PCNX2: variants seen among roughly 807,000 people sequenced by gnomAD.
PCNX2 encodes pecanex-like protein 2.
A neutral mutation model predicts 223.8 loss-of-function variants in PCNX2; 168 were observed. The ratio of observed to expected loss-of-function variants is 0.75; its 90% CI spans 0.66 to 0.85. The LOEUF is 0.85. Among genes scored for constraint, PCNX2 ranks in the 40% least tolerant of loss-of-function variants. The probability of loss-of-function intolerance (pLI) is 0.00; values close to 1 mark genes in which losing one functional copy is unlikely to be tolerated. For missense variants in PCNX2, 2,507 were observed against 2,675.5 expected (o/e 0.94, Z 1.39); for synonymous variants, 1,006 against 1,052.6 (o/e 0.96, Z 0.86).
chr1:233,021,341 C>T (rs749681034), intron 26 of PCNX2, among the ~76,000 whole-genome samples: 7 of 152,180 alleles, frequency 4.6e-5, no homozygotes, highest in African/African-American at 7.2e-5. Context: ...GGCACAATTA[C>T]GTCTGTAGTA....
At chr1:233,242,215 G>C (rs1379533789) in intron 8 of PCNX2, among the ~76,000 whole-genome samples, 1 of 152,092 alleles carries the variant, frequency 6.6e-6, no homozygotes, top group Non-Finnish European at 1.5e-5. Context: ...ATATCTGCTA[G>C]ATCTTTGCTA....
intron 17 of PCNX2, among the ~76,000 whole-genome samples, chr1:233,168,585 C>T (rs1028612770): frequency 5.3e-5 from 8 of 152,030 alleles, no homozygotes; most frequent in Admixed American, 1.3e-4. Context: ...TGAAATTGAA[C>T]GACTCATAGT....
rs895479217 is a variant in PCNX2 at position 233,179,307 on chromosome 1, G to A, written c.3067-132C>T. 40 of 910,158 alleles carry A rather than the reference G, an allele frequency of 4.4e-5. No homozygotes were observed. The Admixed American group carries it at 7.5e-4, about 17-fold the overall frequency. 56.4% of individuals were successfully genotyped at this position (910,158 alleles called of 1,614,324 possible). A position where few individuals can be genotyped will look rare whatever the true frequency, so the allele number is the denominator to read the frequency against. The stretch of plus-strand genomic sequence containing the variant: ...TATTCCCATGATTATTCCTGCCCAC[G>A]GACATATAAGCATCTGGTGGGCACA... On this transcript the variant is annotated intron_variant, in intron 15 of 33. Coordinates refer to ENST00000258229, the MANE Select transcript of PCNX2 (RefSeq NM_014801.4).
chr1:233,161,325 C>A lies in PCNX2; in HGVS notation c.3312G>T (p.Val1104=). 6.2e-7 allele frequency: 1 copy of A among 1,613,878 alleles called. No individual in the cohort carries two copies. The highest frequency in any genetic ancestry group is 8.5e-7 in the Non-Finnish European group (1 of 1,179,838). The change falls in exon 18 of 34, where the codon GTG becomes GTT. Residue 1104 remains valine (V), a synonymous_variant. Coordinates refer to ENST00000258229, the MANE Select transcript of PCNX2 (RefSeq NM_014801.4). ...VLKWDLIVCA[V]VAVLSFAVSA... The stretch of plus-strand genomic sequence containing the variant: ...TGACTGCAAATGAGAGGACAGCAAC[C>A]ACTGCGCAGACGATGAGATCCCATT...
rs1188421543 is a variant in PCNX2 at position 233,217,882 on chromosome 1, T to A, written c.2691+17A>T. On this transcript the variant is annotated intron_variant, in intron 12 of 33. Transcript: ENST00000258229. ...AGACAGACAAGAAAAGCTACTTGCCTGTATTTGGAAACTTACGTGTATTGG... is the reference window on the plus strand; with the variant it reads ...AGACAGACAAGAAAAGCTACTTGCCAGTATTTGGAAACTTACGTGTATTGG... The A allele has an allele frequency of 6.2e-7, 1 of 1,613,712 alleles. No homozygotes were observed. The highest frequency in any genetic ancestry group is 8.5e-7 in the Non-Finnish European group (1 of 1,179,824).
intron 1 of PCNX2, among the ~76,000 whole-genome samples, chr1:233,268,415 G>A (rs1660460724): frequency 6.6e-6 from 1 of 152,158 alleles, no homozygotes; most frequent in Non-Finnish European, 1.5e-5. Context: ...GAGGGTTTCT[G>A]TTTGCAGACA....
intron 22 of PCNX2, among the ~76,000 whole-genome samples, chr1:233,091,652 G>A (rs1408617063): frequency 1.3e-5 from 2 of 150,198 alleles, no homozygotes; most frequent in South Asian, 2.1e-4. Context: ...AGGATCTCTT[G>A]AGCCCAGGAG....
At chr1:232,998,054 A>G (rs1346294776) in intron 32 of PCNX2, among the ~76,000 whole-genome samples, 197 bp downstream of exon 32, 1 of 152,214 alleles carries the variant, frequency 6.6e-6, no homozygotes, top group Non-Finnish European at 1.5e-5. Context: ...CAGATGGATA[A>G]ATGGTAAAAG....
At chr1:233,315,510 T>C in the PCNX2 span, among the ~76,000 whole-genome samples, 4 of 152,302 alleles carry the variant, frequency 2.6e-5, no homozygotes, top group Non-Finnish European at 5.9e-5. Flanking sequence ...ATTTGGAGAA[T>C]TGAATAAAAT....
chr1:233,131,241 G>A (rs2475157), intron 21 of PCNX2, among the ~76,000 whole-genome samples: 149,989 of 152,282 alleles, frequency 0.98, 73,883 homozygotes, highest in East Asian at 1. Context: ...GACCTGTCAT[G>A]AGCAAGACTT....
chr1:232,998,108 C>CA, intron 32 of PCNX2, 143 bp downstream of exon 32: 1 of 802,684 alleles, frequency 1.2e-6, no homozygotes, highest in South Asian at 2.4e-5. Flanking sequence ...GCAGAACCTA[C>CA]AAGAGTCTGC....
Position 232,984,442 on chromosome 1 carries a change from G to T in PCNX2, c.6276C>A (p.Thr2092=). The change falls in exon 34 of 34, where the codon ACC becomes ACA. Residue 2092 remains threonine, a synonymous_variant. Coordinates refer to ENST00000258229, the MANE Select transcript of PCNX2 (RefSeq NM_014801.4). ...ATCGGTCATGAAGCTGCCCCTGCTCGGTGGCATCAGGGGGCTCACATGGCT... is the reference window on the plus strand; with the variant it reads ...ATCGGTCATGAAGCTGCCCCTGCTCTGTGGCATCAGGGGGCTCACATGGCT... The part of the protein sequence containing the change: ...LSEPCEPPDA[T]EQGQLHDRCL... 6.2e-7 allele frequency: 1 copy of T among 1,613,580 alleles called. No individual in the cohort carries two copies. Among genetic ancestry groups the T allele is most frequent in the Non-Finnish European group, 8.5e-7 (1 of 1,179,780 alleles).
At position 233,208,612 on chromosome 1, in the gene PCNX2, TG is replaced by T. The variant is rs1681626683; in HGVS notation, c.2768del (p.Thr923LysfsTer16). On this transcript the variant is annotated frameshift_variant, in exon 13 of 34. Coordinates refer to ENST00000258229, the MANE Select transcript of PCNX2 (RefSeq NM_014801.4). LOFTEE classifies it high-confidence loss of function. ...VLCGLILLLD[T>X]GAKARHPPSY... ...TGGGAGGGTGCCTGGCTTTGGCCCC[TG>T]TATCAAGAAGCAAAATAAGGCCACA... is the stretch of plus-strand genomic sequence containing the variant. 6.2e-7 allele frequency: 1 copy of T among 1,613,808 alleles called. No homozygotes were observed. The highest frequency in any genetic ancestry group is 1.1e-5 in the South Asian group (1 of 91,078).
At chr1:233,275,118 C>T (rs1317228697) in intron 1 of PCNX2, among the ~76,000 whole-genome samples, 15 of 152,176 alleles carry the variant, frequency 9.9e-5, no homozygotes, top group African/African-American at 2.9e-4. Context: ...ACTATTCCCA[C>T]GGCTCTTTTG....
Position 232,990,340 on chromosome 1 carries a change from T to G in PCNX2, c.5792-3800A>C, listed in dbSNP as rs1480248490. ...GCAGTGTCTTGAGGGGAATGAAAGC[T>G]CTGTGCTCCCGGTCGCAGTCAGTGC... On this transcript the variant is annotated intron_variant, in intron 32 of 33. Transcript: ENST00000258229. This position sits in a 1 kb window ranked among gnomAD's most constrained non-coding sequence, Gnocchi z 4.3. Among the ~76,000 whole-genome samples, 1 of 152,154 alleles carries G rather than the reference T, an allele frequency of 6.6e-6. No homozygotes were observed. Among genetic ancestry groups the G allele is most frequent in the East Asian group, 1.9e-4 (1 of 5,184 alleles).
intron 25 of PCNX2, among the ~76,000 whole-genome samples, chr1:233,041,450 G>C (rs1671643170): frequency 6.6e-6 from 1 of 152,150 alleles, no homozygotes; most frequent in Non-Finnish European, 1.5e-5. Context: ...ACAGCCTACA[G>C]TTTCTTCAGT....
upstream of PCNX2, among the ~76,000 whole-genome samples, chr1:233,296,002 C>CTTTTTT (rs61285792): frequency 3.8e-4 from 51 of 134,534 alleles, 1 homozygote; most frequent in African/African-American, 1.4e-3. Context: ...TTCTTTCTTT[C>CTTTTTT]TTTTTTTTTT....
rs1242664911 is a variant in PCNX2 at position 233,126,502 on chromosome 1, GGTGTGTGTGTGTGTTT to G, written c.3837+8495_3837+8510del. On this transcript the variant is annotated intron_variant, in intron 21 of 33. Transcript: ENST00000258229. The surrounding 1 kb of genome is among the most constrained non-coding windows in gnomAD (Gnocchi z 4.8). ...ACCTATTGATATTTTAAATTTGTGT[GGTGTGTGTGTGTGTTT>G]GTGTGTGTGTGTGTGTGTGTAAATA... Among the ~76,000 whole-genome samples, 3 of 145,482 alleles carry G rather than the reference GGTGTGTGTGTGTGTTT, an allele frequency of 2.1e-5. No homozygotes were observed. The highest frequency in any genetic ancestry group is 4.5e-5 in the Non-Finnish European group (3 of 66,008).
intron 17 of PCNX2, 98 bp from the exon 18 acceptor site, chr1:233,161,461 A>G: frequency 9.5e-7 from 1 of 1,047,482 alleles, no homozygotes; most frequent in East Asian, 2.6e-5. Context: ...ACCCAAGATA[A>G]ACTGTTTTTC....
Sources: allele counts gnomAD v4.1 joint callset (sites outside exome capture counted in the v4.1 genomes callset), GRCh38; gene constraint gnomAD v4.1.1; non-coding constraint Gnocchi (gnomAD v3.1); transcripts MANE v1.5; gene names NCBI Gene and HGNC (gene_info 2026-07-23, HGNC 2026-07-21).